EML1: variants seen among roughly 807,000 people sequenced by gnomAD.
The protein encoded by EML1 is echinoderm microtubule-associated protein-like 1.
Under a neutral mutation model 110.4 loss-of-function variants are expected in EML1, and 27 were observed. The ratio of observed to expected loss-of-function variants is 0.24; its 90% CI spans 0.18 to 0.34. The LOEUF (loss-of-function observed/expected upper bound fraction) is 0.34, where lower values mean the gene tolerates loss of function less well. Ranked by LOEUF, EML1 falls within the 10% of genes least tolerant of loss-of-function variation. The pLI is 1.00. For missense variants in EML1, 741 were observed against 1,030.9 expected (o/e 0.72, Z 3.85); for synonymous variants, 344 against 385.8 (o/e 0.89, Z 1.27).
intron 1 of EML1, among the ~76,000 whole-genome samples, chr14:99,755,311 G>A (rs1383709776): frequency 1.3e-5 from 2 of 152,234 alleles, no homozygotes; most frequent in Non-Finnish European, 2.9e-5. Flanking sequence ...TGGGGCTGCC[G>A]GAGGGGCCTG....
chr14:99,827,432 G>A lies in EML1; in HGVS notation c.68-23421G>A, dbSNP rs2058379214. ...CAAGTAAGGTGCAAATACCCTTGCA[G>A]CGTATCCAGGCCCAGTAGGCACGAG... On this transcript the variant is annotated intron_variant, in intron 1 of 21. Transcript: ENST00000262233. The surrounding 1 kb of genome is among the most constrained non-coding windows in gnomAD (Gnocchi z 4.4). 6.6e-6 allele frequency among the ~76,000 whole-genome samples: 1 copy of A among 152,306 alleles called. No homozygotes were observed. The highest frequency in any genetic ancestry group is 1.5e-5 in the Non-Finnish European group (1 of 68,018).
At chr14:99,773,256 C>T (rs987713083) in exon 1 of EML1, 1 of 152,202 alleles carries the variant, frequency 6.6e-6, no homozygotes, top group African/African-American at 2.4e-5. Flanking sequence ...AGCAAGGCTA[C>T]TTTATCACCA....
At chr14:99,737,906 G>A in intron 1 of EML1, 1 of 1,284,178 alleles carries the variant, frequency 7.8e-7, no homozygotes, top group South Asian at 1.2e-5. Flanking sequence ...CGGTTGCAGA[G>A]CCAAGGCCGC....
intron 1 of EML1, among the ~76,000 whole-genome samples, chr14:99,760,672 C>A (rs1342846223): frequency 6.6e-6 from 1 of 152,188 alleles, no homozygotes. Flanking sequence ...CCTGAAAGGG[C>A]TTTGCAGACA....
rs144740274 is a variant in EML1 at position 99,756,713 on chromosome 14, G to A, written c.28+18853G>A. Among the ~76,000 whole-genome samples the A allele has an allele frequency of 4.6e-3, 695 of 152,136 alleles. 4 individuals carry two copies. The highest frequency in any genetic ancestry group is 0.016 in the African/African-American group (660 of 41,512). ...TTGTTAAAAAATTACACCTTCCCGA[G>A]CCCCCACACCTGTGGAATCTGAATC... On this transcript the variant is annotated intron_variant, in intron 1 of 10. Coordinates refer to the EML1 transcript ENST00000554479.
rs146806485 is a variant in EML1, at chr14:99,814,850, G to T, written c.67+21307G>T. Among the ~76,000 whole-genome samples the T allele has an allele frequency of 2.8e-4, 43 of 152,252 alleles. 2 individuals carry two copies. The highest frequency in any genetic ancestry group is 9.4e-4 in the African/African-American group (39 of 41,544). On this transcript the variant is annotated intron_variant, in intron 1 of 21. Coordinates refer to ENST00000262233, the MANE Select transcript of EML1 (RefSeq NM_004434.3). ...TGGATGTTATTCTTACAGCGACCTC[G>T]TGCCAAGCACTATGCTAGCATATAT...
At chr14:99,817,719 G>A (rs1166808400) in intron 1 of EML1, among the ~76,000 whole-genome samples, 1 of 152,214 alleles carries the variant, frequency 6.6e-6, no homozygotes, top group African/African-American at 2.4e-5. Flanking sequence ...GCCAGGTGTT[G>A]TGCTAGGTGC....
intron 6 of EML1, among the ~76,000 whole-genome samples, chr14:99,895,624 G>A (rs2059659438): frequency 6.6e-6 from 1 of 152,120 alleles, no homozygotes. Flanking sequence ...GTATGGACTT[G>A]GCCAGCCTTA....
intron 3 of EML1, among the ~76,000 whole-genome samples, chr14:99,873,327 C>T (rs1478146291): frequency 6.6e-6 from 1 of 152,192 alleles, no homozygotes; most frequent in African/African-American, 2.4e-5. Flanking sequence ...AGCCAATAGT[C>T]CTTTGGAAAA....
At chr14:99,932,885 A>G (rs756388037) in intron 17 of EML1, among the ~76,000 whole-genome samples, 13 of 152,080 alleles carry the variant, frequency 8.5e-5, no homozygotes, top group Non-Finnish European at 1.3e-4. Context: ...TTGGGAGGCC[A>G]AGGATGTTTT....
At chr14:99,770,723 C>G (rs1196651497), upstream of EML1, among the ~76,000 whole-genome samples, 1 of 151,174 alleles carries the variant, frequency 6.6e-6, no homozygotes, top group Non-Finnish European at 1.5e-5. Flanking sequence ...ATAGTAGGTG[C>G]TCAAGAAACA....
chr14:99,886,552 G>GTTTAAC (rs2059478847), intron 4 of EML1, among the ~76,000 whole-genome samples: 1 of 152,184 alleles, frequency 6.6e-6, no homozygotes, highest in South Asian at 2.1e-4. Flanking sequence ...GAAATCACAT[G>GTTTAAC]TTTAACTTTG....
upstream of EML1, among the ~76,000 whole-genome samples, chr14:99,789,803 G>GTT (rs2057643050): frequency 6.6e-6 from 1 of 152,166 alleles, no homozygotes; most frequent in Non-Finnish European, 1.5e-5. Context: ...GAACACTGTG[G>GTT]TTATATTGTC....
At chr14:99,761,924 C>CAA (rs35254638) in intron 1 of EML1, among the ~76,000 whole-genome samples, 32,505 of 126,774 alleles carry the variant, frequency 0.26, 3,916 homozygotes, top group Non-Finnish European at 0.3. Context: ...GACTCTGTCT[C>CAA]AAAAAAAAAA....
At chr14:99,747,284 G>A (rs2057122159) in intron 1 of EML1, among the ~76,000 whole-genome samples, 1 of 151,880 alleles carries the variant, frequency 6.6e-6, no homozygotes, top group South Asian at 2.1e-4. Flanking sequence ...TATAGAAATG[G>A]CGAGGAGGGC....
chr14:99,786,725 A>G (rs2057604695), intron 1 of EML1, among the ~76,000 whole-genome samples: 1 of 152,244 alleles, frequency 6.6e-6, no homozygotes, highest in Admixed American at 6.5e-5. Flanking sequence ...CAAAGATGGC[A>G]TTTGCAGCAG....
At position 99,851,041 on chromosome 14, in the gene EML1, C is replaced by G. The variant is rs182486651; in HGVS notation, c.250+6C>G. Reference sequence around the variant, plus strand: ...CAGGAAAGGACCTACCAAAGGTGGGCGTTTGAGTGACACAGGAACTTCAGT... The same window carrying G: ...CAGGAAAGGACCTACCAAAGGTGGGGGTTTGAGTGACACAGGAACTTCAGT... On this transcript the variant is annotated splice_donor_region_variant and intron_variant, in intron 2 of 21. Coordinates refer to ENST00000262233, the MANE Select transcript of EML1 (RefSeq NM_004434.3). 1.0e-5 allele frequency: 16 copies of G among 1,604,806 alleles called. No homozygotes were observed. Among genetic ancestry groups the G allele is most frequent in the Non-Finnish European group, 1.4e-5 (16 of 1,172,948 alleles).
chr14:99,881,410 G>A (rs927016189), intron 4 of EML1, among the ~76,000 whole-genome samples: 13 of 152,266 alleles, frequency 8.5e-5, no homozygotes, highest in African/African-American at 3.1e-4. Flanking sequence ...CAGAAAAACA[G>A]TTCCATCTCA....
chr14:99,790,179 G>A (rs936449543), upstream of EML1, among the ~76,000 whole-genome samples: 32 of 152,152 alleles, frequency 2.1e-4, no homozygotes, highest in African/African-American at 7.2e-4. Context: ...TGTAACTTTA[G>A]TGGAAATAAT....
Sources: gnomAD v4.1 joint callset for allele counts (sites outside exome capture counted in the v4.1 genomes callset) on GRCh38, gnomAD v4.1.1 for gene constraint, Gnocchi (gnomAD v3.1) non-coding constraint, MANE v1.5 for transcripts, NCBI Gene and HGNC (gene_info 2026-07-23, HGNC 2026-07-21) for gene names.